Variants in KCNN2 observed in about 807,000 individuals in gnomAD.
KCNN2 encodes small conductance calcium-activated potassium channel protein 2.
A neutral mutation model predicts 55.5 loss-of-function variants in KCNN2; 24 were observed. The ratio of observed to expected loss-of-function variants is 0.43; its 90% CI spans 0.31 to 0.61. The LOEUF (loss-of-function observed/expected upper bound fraction) is 0.61, where lower values mean the gene tolerates loss of function less well. Ranked by LOEUF, KCNN2 falls within the 20% of genes least tolerant of loss-of-function variation. The pLI, the probability that KCNN2 is intolerant of heterozygous loss-of-function variation, is 0.08. For synonymous variants in KCNN2, 431 were observed against 336.1 expected (o/e 1.28, Z -3.09); for missense variants, 754 against 853.6 (o/e 0.88, Z 1.45).
chr5:114,149,692 T>C (rs1752475518), intron 1 of KCNN2, among the ~76,000 whole-genome samples: 1 of 152,198 alleles, frequency 6.6e-6, no homozygotes, highest in South Asian at 2.1e-4. Flanking sequence ...TGTGCATCAG[T>C]AATTTCTAAC....
intron 2 of KCNN2, among the ~76,000 whole-genome samples, chr5:114,326,416 A>G (rs1756715513): frequency 6.6e-6 from 1 of 152,060 alleles, no homozygotes; most frequent in South Asian, 2.1e-4. Flanking sequence ...TAAGTGATGG[A>G]GCTTCTGCTG....
chr5:114,241,792 A>G (rs1450012082), intron 2 of KCNN2, among the ~76,000 whole-genome samples: 2,715 of 20,914 alleles, frequency 0.13, 788 homozygotes, highest in Middle Eastern at 0.22. Flanking sequence ...ACGTATATAT[A>G]TGTATATATA....
intron 1 of KCNN2, among the ~76,000 whole-genome samples, chr5:114,076,200 C>T (rs1441303421): frequency 6.6e-6 from 1 of 152,236 alleles, no homozygotes; most frequent in African/African-American, 2.4e-5. Flanking sequence ...CTCACCTACC[C>T]TCCTCCTCTT....
intron 2 of KCNN2, among the ~76,000 whole-genome samples, chr5:114,378,741 G>A (rs1171006172): frequency 6.7e-6 from 1 of 149,940 alleles, no homozygotes; most frequent in Non-Finnish European, 1.5e-5. Context: ...GCATCTCATT[G>A]AGCTAGGCAT....
At position 114,364,017 on chromosome 5, in the gene KCNN2, C is replaced by T. The variant is rs1239001620; in HGVS notation, c.1218+16C>T. On this transcript the variant is annotated intron_variant, in intron 2 of 7. Transcript: ENST00000673685. ...GGAAATACAGGTAACTTAGGTCCTG[C>T]TGTTTATGAATGACCCAAAGCCCTA... 3 of 1,586,814 alleles carry T rather than the reference C, an allele frequency of 1.9e-6. No individual in the cohort carries two copies. The highest frequency in any genetic ancestry group is 2.2e-5 in the East Asian group (1 of 44,720).
At chr5:114,212,076 A>G (rs998511660) in intron 1 of KCNN2, among the ~76,000 whole-genome samples, 3 of 151,972 alleles carry the variant, frequency 2.0e-5, no homozygotes, top group African/African-American at 2.4e-5. Flanking sequence ...TTCGATAACT[A>G]TGTCAGTCAT....
At chr5:114,187,505 G>GTT (rs1753358551) in intron 1 of KCNN2, among the ~76,000 whole-genome samples, 4 of 84,646 alleles carry the variant, frequency 4.7e-5, no homozygotes, top group Non-Finnish European at 7.2e-5. Context: ...GGTATCTCTG[G>GTT]CTTTTTTTTT....
chr5:114,196,704 A>AT (rs1443842754), intron 1 of KCNN2, among the ~76,000 whole-genome samples: 2 of 152,084 alleles, frequency 1.3e-5, no homozygotes, highest in East Asian at 3.9e-4. Flanking sequence ...CAATATTCTG[A>AT]TTTTAGCAAC....
At chr5:114,238,166 T>C (rs1279663442) in intron 2 of KCNN2, among the ~76,000 whole-genome samples, 1 of 152,230 alleles carries the variant, frequency 6.6e-6, no homozygotes, top group Admixed American at 6.5e-5. Flanking sequence ...AGGTGAGATA[T>C]AGTTAAATAC....
chr5:114,124,202 C>T (rs1164987605), intron 1 of KCNN2, among the ~76,000 whole-genome samples: 1 of 152,106 alleles, frequency 6.6e-6, no homozygotes, highest in Non-Finnish European at 1.5e-5. Flanking sequence ...AAAGGGATAA[C>T]TTCAAAAAGG....
chr5:114,463,075 G>A lies in KCNN2; in HGVS notation c.1664G>A (p.Ser555Asn). ...TACCATGATCAACAGGATGTTACTA[G>A]CAACTTCCTTGGAGCGATGTGGTTG... ...ERYHDQQDVT[S>N]NFLGAMWLIS... Residue 555 changes from serine (S) to asparagine (N), a missense_variant, in exon 4 of 8, where the codon AGC becomes AAC. Coordinates refer to ENST00000673685, the MANE Select transcript of KCNN2 (RefSeq NM_021614.4). 6.2e-7 allele frequency: 1 copy of A among 1,613,646 alleles called. No homozygotes were observed. The highest frequency in any genetic ancestry group is 8.5e-7 in the Non-Finnish European group (1 of 1,179,756).
At chr5:114,099,116 A>G (rs2112566441) in intron 1 of KCNN2, among the ~76,000 whole-genome samples, 1 of 152,300 alleles carries the variant, frequency 6.6e-6, no homozygotes, top group Middle Eastern at 3.4e-3. Context: ...ATTTGATGTG[A>G]TAAGTGTTTT....
chr5:114,330,347 A>C (rs1380101620), intron 2 of KCNN2, among the ~76,000 whole-genome samples: 1 of 152,184 alleles, frequency 6.6e-6, no homozygotes, highest in East Asian at 1.9e-4. Flanking sequence ...GGAGTACTCC[A>C]CATGTTTTCC....
chr5:114,061,939 G>A (rs555908469), intron 1 of KCNN2, among the ~76,000 whole-genome samples: 3 of 152,212 alleles, frequency 2.0e-5, no homozygotes, highest in South Asian at 4.1e-4. Context: ...AAAAAATACA[G>A]GAATCACTTT....
At chr5:114,212,953 TA>T (rs1195196789) in intron 1 of KCNN2, among the ~76,000 whole-genome samples, 1 of 152,034 alleles carries the variant, frequency 6.6e-6, no homozygotes, top group Non-Finnish European at 1.5e-5. Context: ...ATAATGCAAT[TA>T]ATTAAGAGAG....
chr5:114,255,143 G>C (rs1754957047), intron 2 of KCNN2, among the ~76,000 whole-genome samples: 1 of 152,164 alleles, frequency 6.6e-6, no homozygotes, highest in Non-Finnish European at 1.5e-5. Context: ...ATAAGTTACG[G>C]TGAAAGGCAC....
At chr5:114,250,331 T>C (rs1481629098) in intron 2 of KCNN2, among the ~76,000 whole-genome samples, 1 of 152,164 alleles carries the variant, frequency 6.6e-6, no homozygotes. Context: ...ACAGAGCTTC[T>C]TCATTATAAT....
At chr5:114,463,555 T>TATC (rs1554056830) in intron 4 of KCNN2, among the ~76,000 whole-genome samples, 1 of 152,216 alleles carries the variant, frequency 6.6e-6, no homozygotes, top group Non-Finnish European at 1.5e-5. Flanking sequence ...CCATAATAAC[T>TATC]ATCTTGAAAT....
At chr5:114,423,865 T>C (rs1051893241) in intron 3 of KCNN2, among the ~76,000 whole-genome samples, 26 of 152,010 alleles carry the variant, frequency 1.7e-4, no homozygotes, top group African/African-American at 6.0e-4. Flanking sequence ...GGCCAAAAAG[T>C]GAGGCAGGAT....
Sources: gnomAD v4.1 joint callset for allele counts (sites outside exome capture counted in the v4.1 genomes callset) on GRCh38, gnomAD v4.1.1 for gene constraint, MANE v1.5 for transcripts, NCBI Gene and HGNC (gene_info 2026-07-23, HGNC 2026-07-21) for gene names.